Variants in LYPLAL1 observed in about 807,000 individuals in gnomAD.
LYPLAL1 encodes lysophospholipase-like protein 1.
LYPLAL1 carries 23 observed loss-of-function variants against 19.7 expected under a neutral mutation model. That is an observed-to-expected ratio of 1.17 (90% CI 0.84 to 1.65). The LOEUF (loss-of-function observed/expected upper bound fraction) is 1.65. Among genes scored for constraint, LYPLAL1 ranks in the 40% most tolerant of loss-of-function variants. LYPLAL1 has a pLI of 0.00. For missense variants in LYPLAL1, 355 were observed against 279.4 expected, an observed-to-expected ratio of 1.27 and a Z score of -1.93; for synonymous variants, 119 against 96.3, an observed-to-expected ratio of 1.24 and a Z score of -1.38.
chr1:219,206,800 A>G (rs1402878244), intron 3 of LYPLAL1, among the ~76,000 whole-genome samples: 2 of 151,758 alleles, frequency 1.3e-5, no homozygotes, highest in Non-Finnish European at 2.9e-5. Flanking sequence ...GTCAACAAAA[A>G]TGAAGTGTTT....
intron 1 of LYPLAL1, among the ~76,000 whole-genome samples, chr1:219,175,280 A>G (rs943020399): frequency 6.6e-6 from 1 of 152,138 alleles, no homozygotes; most frequent in African/African-American, 2.4e-5. Context: ...TTTTGGAGAT[A>G]GGGAAGAAGA....
chr1:219,424,718 C>T, the LYPLAL1 span, among the ~76,000 whole-genome samples: 4 of 152,162 alleles, frequency 2.6e-5, no homozygotes, highest in Admixed American at 2.6e-4. Flanking sequence ...CTTTGTCCAG[C>T]AGGACCACCT....
the LYPLAL1 span, chr1:219,222,389 T>C: frequency 2.6e-5 from 4 of 152,154 alleles, no homozygotes; most frequent in African/African-American, 9.6e-5. Context: ...AAGGCCCATT[T>C]TTTGTTTCCC....
At chr1:219,174,156 C>A in intron 1 of LYPLAL1, 175 bp downstream of exon 1, 2 of 1,438,860 alleles carry the variant, frequency 1.4e-6, no homozygotes, top group Non-Finnish European at 1.8e-6. Context: ...CCCCCAGCCT[C>A]CCCCGTTAGT....
At position 219,184,330 on chromosome 1, in the gene LYPLAL1, C is replaced by T. The variant is rs371617646; in HGVS notation, c.191+5084C>T. Reference sequence around the variant, plus strand: ...AAAAAACTTAATTTTCAAATTGTTGCTAGTACAGAGAAATAAATTTTAGTT... The same window carrying T: ...AAAAAACTTAATTTTCAAATTGTTGTTAGTACAGAGAAATAAATTTTAGTT... On this transcript the variant is annotated intron_variant, in intron 2 of 4. Coordinates refer to ENST00000366928, the MANE Select transcript of LYPLAL1 (RefSeq NM_138794.5). 3.9e-4 allele frequency among the ~76,000 whole-genome samples: 60 copies of T among 151,956 alleles called. No individual in the cohort carries two copies. In the South Asian group the frequency reaches 0.011, roughly 28 times the overall value.
At chr1:219,266,424 A>G in the LYPLAL1 span, among the ~76,000 whole-genome samples, 1 of 152,200 alleles carries the variant, frequency 6.6e-6, no homozygotes. Flanking sequence ...AATAGCAAGC[A>G]TGGAGCTGTC....
intron 2 of LYPLAL1, among the ~76,000 whole-genome samples, chr1:219,181,822 A>G (rs1209380322): frequency 6.6e-6 from 1 of 152,144 alleles, no homozygotes; most frequent in Admixed American, 6.6e-5. Flanking sequence ...AGCAGTTTAT[A>G]TGATACTTAC....
chr1:219,338,419 T>C, the LYPLAL1 span, among the ~76,000 whole-genome samples: 1 of 152,028 alleles, frequency 6.6e-6, no homozygotes, highest in Non-Finnish European at 1.5e-5. Context: ...GTTACATGTA[T>C]CAAAACATTC....
At chr1:219,201,635 T>C (rs1193773523) in intron 3 of LYPLAL1, among the ~76,000 whole-genome samples, 1 of 152,118 alleles carries the variant, frequency 6.6e-6, no homozygotes, top group African/African-American at 2.4e-5. Context: ...GATGAGCTAA[T>C]TAATGTCTAT....
At chr1:219,236,558 A>G in the LYPLAL1 span, among the ~76,000 whole-genome samples, 2 of 152,366 alleles carry the variant, frequency 1.3e-5, no homozygotes, top group East Asian at 3.9e-4. Flanking sequence ...AAATAAAACT[A>G]TATCACTTTA....
chr1:219,196,844 A>G (rs1298028236), intron 3 of LYPLAL1, among the ~76,000 whole-genome samples: 1 of 152,154 alleles, frequency 6.6e-6, no homozygotes, highest in Admixed American at 6.6e-5. Flanking sequence ...AAGCATTCCT[A>G]TACACCAACA....
In LYPLAL1 at chr1:219,173,941, A is replaced by G. The variant is rs1655582719; in HGVS notation, c.51A>G (p.Ala17=). ...SVLQRCIVSP[A]GRHSASLIFL... ...TGCAGCGCTGTATCGTGTCGCCGGC[A>G]GGGAGGCATAGCGCCTCTCTGATCT... Residue 17 remains alanine, a synonymous_variant, in exon 1 of 5, where the codon GCA becomes GCG. Transcript: ENST00000366928. The G allele has an allele frequency of 6.2e-7, 1 of 1,614,002 alleles. No homozygotes were observed. The highest frequency in any genetic ancestry group is 8.5e-7 in the Non-Finnish European group (1 of 1,179,958).
the LYPLAL1 span, among the ~76,000 whole-genome samples, chr1:219,419,611 A>ATT: frequency 6.6e-6 from 1 of 151,256 alleles, no homozygotes; most frequent in South Asian, 2.1e-4. Flanking sequence ...AGAGAGAGAG[A>ATT]GACAAATGTG....
chr1:219,240,700 G>A, the LYPLAL1 span, among the ~76,000 whole-genome samples: 1 of 152,068 alleles, frequency 6.6e-6, no homozygotes. Flanking sequence ...TTGTTTTCAA[G>A]TAGTTCAAGT....
chr1:219,212,379 T>G lies in LYPLAL1; in HGVS notation c.*651T>G, dbSNP rs1659109485. On this transcript the variant is annotated 3_prime_UTR_variant, in exon 5 of 5. Coordinates refer to ENST00000366928, the MANE Select transcript of LYPLAL1 (RefSeq NM_138794.5). ...TTCATCTGTAAAATGATACTAATAG[T>G]ACTTATCCCATTGGATTTTTGTTGA... is the stretch of plus-strand genomic sequence containing the variant. 1.3e-5 allele frequency: 2 copies of G among 152,022 alleles called. No individual in the cohort carries two copies. Among genetic ancestry groups the G allele is most frequent in the South Asian group, 4.1e-4 (2 of 4,832 alleles). The allele number at this position is 152,022 out of a possible 1,614,324, so 9.4% of individuals were successfully genotyped here.
the LYPLAL1 span, among the ~76,000 whole-genome samples, chr1:219,415,845 C>T: frequency 6.6e-6 from 1 of 152,274 alleles, no homozygotes; most frequent in Admixed American, 6.5e-5. Flanking sequence ...TCTTGAGTGC[C>T]CCTTGGCTTG....
At chr1:219,299,228 C>A in the LYPLAL1 span, among the ~76,000 whole-genome samples, 2 of 150,232 alleles carry the variant, frequency 1.3e-5, no homozygotes, top group East Asian at 3.9e-4. Flanking sequence ...TCTAGATTCA[C>A]CCTTATAAAA....
the LYPLAL1 span, among the ~76,000 whole-genome samples, chr1:219,312,895 CTG>C: frequency 2.1e-4 from 32 of 152,296 alleles, no homozygotes; most frequent in Non-Finnish European, 4.7e-4. Context: ...AGTCTTATCA[CTG>C]TGACTACAAC....
chr1:219,228,451 C>CAAA, the LYPLAL1 span, among the ~76,000 whole-genome samples: 1 of 152,062 alleles, frequency 6.6e-6, no homozygotes, highest in Non-Finnish European at 1.5e-5. Flanking sequence ...CGGCAATCTC[C>CAAA]AATATAGAAA....
Sources: allele counts gnomAD v4.1 joint callset (sites outside exome capture counted in the v4.1 genomes callset), GRCh38; gene constraint gnomAD v4.1.1; transcripts MANE v1.5; gene names NCBI Gene and HGNC (gene_info 2026-07-23, HGNC 2026-07-21).